CORO7: variants seen among roughly 807,000 people sequenced by gnomAD.
CORO7 encodes the protein coronin-7.
Under a neutral mutation model 126.6 loss-of-function variants are expected in CORO7, and 107 were observed. That is an observed-to-expected ratio of 0.85 (90% CI 0.72 to 0.99). The LOEUF is 0.99. CORO7 is among the 50% of genes least tolerant of loss of function. CORO7 has a pLI of 0.00. For synonymous variants in CORO7, 603 were observed against 536.8 expected (o/e 1.12, Z -1.70); for missense variants, 1,314 against 1,255.8 (o/e 1.05, Z -0.70).
At chr16:4,384,454 C>T (rs1035412345) in intron 9 of CORO7, among the ~76,000 whole-genome samples, 1 of 152,164 alleles carries the variant, frequency 6.6e-6, no homozygotes, top group Non-Finnish European at 1.5e-5. Context: ...ACTGGGCTGC[C>T]GCTGCAGGGG....
intron 1 of CORO7, chr16:4,415,576 G>C: frequency 3.4e-6 from 1 of 298,034 alleles, no homozygotes; most frequent in Non-Finnish European, 5.0e-6. Flanking sequence ...ACAGCATAAA[G>C]TGGAAGCAGA....
Position 4,362,118 on chromosome 16 carries a change from T to G in CORO7, c.1445A>C (p.His482Pro). The part of the protein sequence containing the change: ...KFRHAQGTVL[H>P]RDSHITNLKG... Reference sequence around the variant, plus strand: ...GAGGTTGGTGATGTGGCTGTCTCGGTGCAGGACAGTGCCCTGAGCATGGCG... The same window carrying G: ...GAGGTTGGTGATGTGGCTGTCTCGGGGCAGGACAGTGCCCTGAGCATGGCG... The change falls in exon 16 of 28, where the codon CAC (histidine) becomes CCC (proline). Residue 482 changes from histidine (H) to proline (P), a missense_variant. By Grantham distance (77) the His-to-Pro change is moderately conservative. Transcript: ENST00000251166. This position sits in a 1 kb window ranked among gnomAD's most constrained non-coding sequence, Gnocchi z 5.3. The G allele has an allele frequency of 6.2e-7, 1 of 1,612,458 alleles. No individual in the cohort carries two copies. Among genetic ancestry groups the G allele is most frequent in the Non-Finnish European group, 8.5e-7 (1 of 1,179,800 alleles).
chr16:4,362,176 G>C lies in CORO7; in HGVS notation c.1403-16C>G. 3.7e-6 allele frequency: 6 copies of C among 1,601,154 alleles called. No homozygotes were observed. The highest frequency in any genetic ancestry group is 4.3e-6 in the Non-Finnish European group (5 of 1,174,164). On this transcript the variant is annotated splice_polypyrimidine_tract_variant and intron_variant, in intron 15 of 27. Transcript: ENST00000251166. This position sits in a 1 kb window ranked among gnomAD's most constrained non-coding sequence, Gnocchi z 5.3. ...GAACTGGGGCCTGGCAGGTGGCAGGGACATGGAACCACGTGTGAGGATGCC... is the reference window on the plus strand; with the variant it reads ...GAACTGGGGCCTGGCAGGTGGCAGGCACATGGAACCACGTGTGAGGATGCC...
At chr16:4,401,649 A>C (rs2055812313) in intron 6 of CORO7, among the ~76,000 whole-genome samples, 1 of 152,190 alleles carries the variant, frequency 6.6e-6, no homozygotes, top group Non-Finnish European at 1.5e-5. Context: ...ACAGAAACAG[A>C]GCACAATGAC....
intron 9 of CORO7, among the ~76,000 whole-genome samples, chr16:4,376,365 G>T (rs2054731352): frequency 6.6e-6 from 1 of 152,192 alleles, no homozygotes; most frequent in African/African-American, 2.4e-5. Flanking sequence ...AGGCCTGACC[G>T]GCCACACAGA....
At chr16:4,402,022 T>C (rs2055828971) in intron 6 of CORO7, among the ~76,000 whole-genome samples, 1 of 150,186 alleles carries the variant, frequency 6.7e-6, no homozygotes, top group Non-Finnish European at 1.5e-5. Context: ...CACCGCAACC[T>C]CCACCTCCCA....
At chr16:4,360,392 C>T in intron 20 of CORO7, 29 bp from the exon 21 acceptor site, 1 of 1,613,390 alleles carries the variant, frequency 6.2e-7, no homozygotes, top group Non-Finnish European at 8.5e-7. Context: ...TGACACCCAG[C>T]CAGCACCCCT....
chr16:4,399,244 C>T (rs762839640), intron 6 of CORO7, among the ~76,000 whole-genome samples: 17 of 152,290 alleles, frequency 1.1e-4, no homozygotes, highest in Non-Finnish European at 1.9e-4. Flanking sequence ...CCAAGATCTA[C>T]TGATGGATAA....
chr16:4,374,086 CGT>C (rs112578905), intron 9 of CORO7, among the ~76,000 whole-genome samples: 33 of 148,674 alleles, frequency 2.2e-4, no homozygotes, highest in South Asian at 6.4e-4. Context: ...GGAGGGTGCA[CGT>C]GTGTGTGTGT....
chr16:4,357,752 C>CGTGT (rs143712921), intron 25 of CORO7: 3 of 696,846 alleles, frequency 4.3e-6, no homozygotes, highest in African/African-American at 3.6e-5. Flanking sequence ...ACAGTGTGTG[C>CGTGT]GTGTGTGTGT....
Position 4,362,638 on chromosome 16 carries a change from C to T in CORO7, c.1376G>A (p.Ser459Asn). The T allele has an allele frequency of 6.4e-7, 1 of 1,561,784 alleles. No homozygotes were observed. The highest frequency in any genetic ancestry group is 8.6e-7 in the Non-Finnish European group (1 of 1,156,414). The change falls in exon 15 of 28, where the codon AGT becomes AAT. Residue 459 changes from serine (S) to asparagine (N), a missense_variant. Coordinates refer to ENST00000251166, the MANE Select transcript of CORO7 (RefSeq NM_024535.5). This position sits in a 1 kb window ranked among gnomAD's most constrained non-coding sequence, Gnocchi z 5.3. ...CAGCAGGCTCTGCAGCGACCTCAAA[C>T]TGGGGCTGGTCCCGATGCCACTGGT... ...SSTSGIGTSPSLRSLQSLLGP... is the reference protein window; with the variant it reads ...SSTSGIGTSPNLRSLQSLLGP...
intron 9 of CORO7, chr16:4,382,779 C>G (rs773431855): frequency 6.3e-7 from 1 of 1,575,402 alleles, no homozygotes; most frequent in South Asian, 1.2e-5. Flanking sequence ...TGGAGCCAGG[C>G]CCGAAGGCAA....
intron 7 of CORO7, 125 bp from the exon 8 acceptor site, chr16:4,388,756 A>T: frequency 9.5e-7 from 1 of 1,050,160 alleles, no homozygotes. Flanking sequence ...GAGGGTGGGA[A>T]GGGCTGGGTC....
At chr16:4,406,336 C>T (rs954398863) in intron 5 of CORO7, among the ~76,000 whole-genome samples, 1 of 152,022 alleles carries the variant, frequency 6.6e-6, no homozygotes, top group Non-Finnish European at 1.5e-5. Context: ...CACTCTGTTG[C>T]CCAGGCTGGA....
chr16:4,384,211 G>A (rs1421761920), intron 9 of CORO7, among the ~76,000 whole-genome samples: 1 of 152,242 alleles, frequency 6.6e-6, no homozygotes. Context: ...CTTGCAGACG[G>A]TGCCAGGATT....
chr16:4,384,393 C>T (rs995451780), intron 9 of CORO7, among the ~76,000 whole-genome samples: 3 of 152,218 alleles, frequency 2.0e-5, no homozygotes, highest in Non-Finnish European at 2.9e-5. Flanking sequence ...CAGTGATGGA[C>T]ACACAGCACC....
Position 4,388,029 on chromosome 16 carries a change from A to AC in CORO7, c.741_742insG (p.Phe248ValfsTer24). 6.2e-7 allele frequency: 1 copy of AC among 1,613,174 alleles called. No homozygotes were observed. The highest frequency in any genetic ancestry group is 8.5e-7 in the Non-Finnish European group (1 of 1,179,918). ...GTGAGGGAGGCCAGGGCGCTGGAGA[A>AC]GAACCGCGTGTCCCACAGCTTCACT... On this transcript the variant is annotated frameshift_variant, in exon 9 of 28. Coordinates refer to ENST00000251166, the MANE Select transcript of CORO7 (RefSeq NM_024535.5). LOFTEE classifies it high-confidence loss of function.
intron 9 of CORO7, chr16:4,381,636 C>G (rs1043441857): frequency 1.3e-5 from 21 of 1,599,418 alleles, no homozygotes; most frequent in Non-Finnish European, 1.8e-5. Context: ...CCCGCATTGC[C>G]CAGCTGCGGC....
chr16:4,396,136 A>G (rs1351887490), intron 6 of CORO7, among the ~76,000 whole-genome samples: 3 of 151,934 alleles, frequency 2.0e-5, no homozygotes, highest in Non-Finnish European at 4.4e-5. Flanking sequence ...CTGGAGTGCA[A>G]TGGTGCAATC....
Sources: allele counts gnomAD v4.1 joint callset (sites outside exome capture counted in the v4.1 genomes callset), GRCh38; gene constraint gnomAD v4.1.1; non-coding constraint Gnocchi (gnomAD v3.1); transcripts MANE v1.5; gene names NCBI Gene and HGNC (gene_info 2026-07-23, HGNC 2026-07-21).